DOCK10: variants seen among roughly 807,000 people sequenced by gnomAD.
The protein encoded by DOCK10 is dedicator of cytokinesis protein 10.
DOCK10 carries 145 observed loss-of-function variants against 280.1 expected under a neutral mutation model. The ratio of observed to expected loss-of-function variants is 0.52; its 90% CI spans 0.45 to 0.59. The LOEUF (loss-of-function observed/expected upper bound fraction) is 0.59, where lower values mean the gene tolerates loss of function less well. Among genes scored for constraint, DOCK10 ranks in the 20% least tolerant of loss-of-function variants. The pLI is 0.00. For missense variants in DOCK10, 2,368 were observed against 2,651.7 expected (o/e 0.89, Z 2.35); for synonymous variants, 915 against 942.2 (o/e 0.97, Z 0.53).
Position 224,941,728 on chromosome 2 carries a change from C to T in DOCK10, c.124-10060G>A, listed in dbSNP as rs1703093945. Among the ~76,000 whole-genome samples the T allele has an allele frequency of 2.0e-5, 3 of 151,960 alleles. No homozygotes were observed. The South Asian group carries it at 6.3e-4, about 32-fold the overall frequency. ...GCGTGGTGGCATGCGCCTGCAATCCCAGCTACTCGAGAGACCGAGGCAGGA... is the reference window on the plus strand; with the variant it reads ...GCGTGGTGGCATGCGCCTGCAATCCTAGCTACTCGAGAGACCGAGGCAGGA... On this transcript the variant is annotated intron_variant, in intron 1 of 55. Coordinates refer to ENST00000258390, the MANE Select transcript of DOCK10 (RefSeq NM_014689.3).
At chr2:225,027,673 C>T (rs1484528319) in intron 1 of DOCK10, among the ~76,000 whole-genome samples, 1 of 152,128 alleles carries the variant, frequency 6.6e-6, no homozygotes, top group Non-Finnish European at 1.5e-5. Flanking sequence ...TGCCTTCCTC[C>T]ATGATTAAAA....
chr2:224,776,011 ATT>A (rs58426729), intron 51 of DOCK10, among the ~76,000 whole-genome samples: 311 of 144,240 alleles, frequency 2.2e-3, no homozygotes, highest in African/African-American at 4.1e-3. Context: ...CATCCCATGC[ATT>A]TTTTTTTTTT....
chr2:224,877,436 ATT>A (rs1698699172), intron 7 of DOCK10, among the ~76,000 whole-genome samples: 2 of 84,852 alleles, frequency 2.4e-5, no homozygotes, highest in African/African-American at 1.1e-4. Flanking sequence ...ATAGGTTCCT[ATT>A]CTATTGGAAT....
intron 53 of DOCK10, among the ~76,000 whole-genome samples, chr2:224,771,208 G>A (rs1207846275): frequency 3.9e-5 from 6 of 152,086 alleles, no homozygotes; most frequent in East Asian, 1.9e-4. Flanking sequence ...TTGGCCTCCC[G>A]AAGTGCTGGG....
chr2:224,874,668 TTGCAAAGTC>T lies in DOCK10; in HGVS notation c.1006_1014del (p.Asp336_Ala338del), dbSNP rs1204024754. 2.5e-6 allele frequency: 4 copies of T among 1,613,690 alleles called. No individual in the cohort carries two copies. The highest frequency in any genetic ancestry group is 3.4e-6 in the Non-Finnish European group (4 of 1,179,744). Reference sequence around the variant, plus strand: ...AAGTACAATGCCAACTTTATTACCTTTGCAAAGTCTGCGTGTAGGTTGTTCTCTGAAGAA... The same window carrying T: ...AAGTACAATGCCAACTTTATTACCTTTGCGTGTAGGTTGTTCTCTGAAGAA... On this transcript the variant is annotated inframe_deletion, in exon 9 of 56. Transcript: ENST00000258390.
Position 224,802,058 on chromosome 2 carries a change from A to C in DOCK10, c.4269-18T>G, listed in dbSNP as rs201310284. 73 of 1,610,612 alleles carry C rather than the reference A, an allele frequency of 4.5e-5. No homozygotes were observed. In the African/African-American group the frequency reaches 9.1e-4, roughly 20 times the overall value. ...AGTGCATCCTGAAAACAAAAAAAGA[A>C]AAGTGGTTAGAGTTATTTGGGGATG... On this transcript the variant is annotated intron_variant, in intron 39 of 55. Transcript: ENST00000258390.
chr2:225,010,351 G>C (rs999632115), intron 1 of DOCK10: 2 of 152,138 alleles, frequency 1.3e-5, no homozygotes, highest in African/African-American at 4.8e-5. Context: ...CCTGGATAGA[G>C]AGAAGTATGA....
At position 224,794,974 on chromosome 2, in the gene DOCK10, T is replaced by C. The variant is rs752695813; in HGVS notation, c.5059A>G (p.Ser1687Gly). 6.2e-6 allele frequency: 10 copies of C among 1,613,836 alleles called. No individual in the cohort carries two copies. The East Asian group carries it at 2.2e-4, about 36-fold the overall frequency. The change falls in exon 45 of 56, where the codon AGC (serine) becomes GGC (glycine). Residue 1687 changes from serine to glycine, a missense_variant. This residue lies in a region of DOCK10 where 1,159 missense variants were observed against 1,400.8 expected (regional missense o/e 0.83). Transcript: ENST00000258390. ...GTGCTTGCGTAGGAGTTTGCCAGGC[T>C]GTACTGGAGATCCACCAGCATCTCG... ...DPEMLVDLQY[S>G]LANSYASTPE...
chr2:224,991,825 C>T (rs1706134333), intron 1 of DOCK10, among the ~76,000 whole-genome samples: 1 of 152,170 alleles, frequency 6.6e-6, no homozygotes, highest in African/African-American at 2.4e-5. Context: ...GGGCGGTAAA[C>T]ACTAGAAAGG....
intron 31 of DOCK10, among the ~76,000 whole-genome samples, 183 bp downstream of exon 31, chr2:224,814,131 GAATTGA>G (rs1693970624): frequency 6.6e-6 from 1 of 152,062 alleles, no homozygotes; most frequent in South Asian, 2.1e-4. Flanking sequence ...AAATACGAAA[GAATTGA>G]AATTAGGCAA....
intron 26 of DOCK10, among the ~76,000 whole-genome samples, chr2:224,830,991 T>C (rs1358542910): frequency 2.6e-5 from 4 of 151,390 alleles, no homozygotes; most frequent in Non-Finnish European, 5.9e-5. Context: ...TGGAGTGCAG[T>C]GGTGCAATCA....
At chr2:224,944,522 C>A (rs17271608) in intron 1 of DOCK10, among the ~76,000 whole-genome samples, 36,428 of 152,134 alleles carry the variant, frequency 0.24, 4,848 homozygotes, top group South Asian at 0.33. Flanking sequence ...AATAAGCAAT[C>A]TTAACGCAGG....
intron 50 of DOCK10, among the ~76,000 whole-genome samples, chr2:224,783,126 G>A (rs1304229534): frequency 6.6e-6 from 1 of 152,162 alleles, no homozygotes; most frequent in Non-Finnish European, 1.5e-5. Context: ...TGATGAATGA[G>A]GCTCTAATTT....
chr2:224,834,340 C>T (rs1695459719), intron 25 of DOCK10, 77 bp from the exon 26 acceptor site: 2 of 854,816 alleles, frequency 2.3e-6, no homozygotes, highest in African/African-American at 1.7e-5. Context: ...ATGTGAATAA[C>T]TTATGTCTCT....
At chr2:225,004,831 C>G (rs1706526529) in intron 1 of DOCK10, among the ~76,000 whole-genome samples, 1 of 152,190 alleles carries the variant, frequency 6.6e-6, no homozygotes, top group South Asian at 2.1e-4. Flanking sequence ...AGAGTTTGTC[C>G]ATCAGCAATT....
intron 19 of DOCK10, among the ~76,000 whole-genome samples, chr2:224,848,745 G>A (rs185490784): frequency 3.2e-4 from 49 of 152,288 alleles, no homozygotes; most frequent in Non-Finnish European, 5.0e-4. Flanking sequence ...TAGAGATGAC[G>A]GGATCCAAGC....
At chr2:224,908,705 C>A (rs1345822076) in intron 3 of DOCK10, among the ~76,000 whole-genome samples, 3 of 152,090 alleles carry the variant, frequency 2.0e-5, no homozygotes, top group Non-Finnish European at 4.4e-5. Flanking sequence ...CTATATGGCC[C>A]AAGCTGGTCT....
intron 1 of DOCK10, among the ~76,000 whole-genome samples, chr2:224,997,118 G>A (rs1706292414): frequency 6.6e-6 from 1 of 152,114 alleles, no homozygotes; most frequent in South Asian, 2.1e-4. Flanking sequence ...ACCCCCATAT[G>A]CTTATTTCCA....
chr2:224,850,906 T>G (rs1337507133), intron 18 of DOCK10, among the ~76,000 whole-genome samples: 1 of 152,214 alleles, frequency 6.6e-6, no homozygotes, highest in Non-Finnish European at 1.5e-5. Context: ...TAAATCTCTT[T>G]TCTTTATAAA....
Sources: gnomAD v4.1 joint callset for allele counts (sites outside exome capture counted in the v4.1 genomes callset) on GRCh38, gnomAD v4.1.1 for gene constraint, gnomAD v4.1.1 regional missense constraint, MANE v1.5 for transcripts, NCBI Gene and HGNC (gene_info 2026-07-23, HGNC 2026-07-21) for gene names.